The following GPR158 variants were observed in gnomAD, a reference collection of about 807,000 sequenced individuals.
GPR158 encodes G protein-coupled receptor 158.
Under a neutral mutation model 78.2 loss-of-function variants are expected in GPR158, and 30 were observed. The observed-to-expected ratio is 0.38, with a 90% CI of 0.29 to 0.52. The LOEUF (loss-of-function observed/expected upper bound fraction) is 0.52. Ranked by LOEUF, GPR158 falls within the 20% of genes least tolerant of loss-of-function variation. GPR158 has a pLI of 0.83. For synonymous variants in GPR158, 581 were observed against 591.1 expected (o/e 0.98, Z 0.25); for missense variants, 1,463 against 1,523.5 (o/e 0.96, Z 0.66).
chr10:25,371,991 A>T (rs1834000612), intron 2 of GPR158, among the ~76,000 whole-genome samples: 1 of 151,900 alleles, frequency 6.6e-6, no homozygotes, highest in Non-Finnish European at 1.5e-5. Context: ...ATCTGCAATG[A>T]ACTCAAATAA....
chr10:25,285,827 A>G (rs897541487), intron 2 of GPR158, among the ~76,000 whole-genome samples: 1 of 152,202 alleles, frequency 6.6e-6, no homozygotes, highest in African/African-American at 2.4e-5. Context: ...ATGCTGGCAA[A>G]AAATTCTCCT....
At chr10:25,490,826 T>C (rs951604846) in intron 5 of GPR158, among the ~76,000 whole-genome samples, 7 of 151,888 alleles carry the variant, frequency 4.6e-5, no homozygotes, top group East Asian at 1.9e-4. Context: ...GATGGCTGGG[T>C]CAAATGGTAT....
intron 1 of GPR158, among the ~76,000 whole-genome samples, chr10:25,213,524 T>C (rs1853163391): frequency 6.6e-6 from 1 of 152,186 alleles, no homozygotes; most frequent in South Asian, 2.1e-4. Context: ...TTAGCCCATA[T>C]TTCCTTTAAG....
At chr10:25,403,375 A>C (rs1834470360) in intron 3 of GPR158, among the ~76,000 whole-genome samples, 2 of 152,050 alleles carry the variant, frequency 1.3e-5, no homozygotes, top group Non-Finnish European at 2.9e-5. Flanking sequence ...ATGGCCTGTA[A>C]ATGCTACTGT....
intron 5 of GPR158, among the ~76,000 whole-genome samples, chr10:25,513,369 T>G (rs11598032): frequency 2.0e-5 from 3 of 152,060 alleles, no homozygotes; most frequent in Admixed American, 2.0e-4. Flanking sequence ...GTGTTATCAG[T>G]TGTAATATCT....
At chr10:25,370,950 G>T (rs1240294529) in intron 2 of GPR158, among the ~76,000 whole-genome samples, 4 of 149,690 alleles carry the variant, frequency 2.7e-5, no homozygotes, top group African/African-American at 9.9e-5. Context: ...TTTGATCTTT[G>T]CTGGTTTAAA....
intron 5 of GPR158, among the ~76,000 whole-genome samples, chr10:25,523,367 A>G (rs887617466): frequency 3.3e-5 from 5 of 152,228 alleles, no homozygotes; most frequent in African/African-American, 1.2e-4. Context: ...TCTGCTAGGA[A>G]TGCGACATGA....
chr10:25,194,482 T>TGA (rs1282322929), intron 1 of GPR158, among the ~76,000 whole-genome samples: 2 of 151,940 alleles, frequency 1.3e-5, no homozygotes, highest in Admixed American at 1.3e-4. Flanking sequence ...GAGGTTGCAG[T>TGA]GAGCCAAGAT....
chr10:25,179,438 A>G (rs1010958522), intron 1 of GPR158, among the ~76,000 whole-genome samples: 1 of 152,218 alleles, frequency 6.6e-6, no homozygotes, highest in Non-Finnish European at 1.5e-5. Context: ...CTTACTTACA[A>G]GATTCAGACA....
At chr10:25,255,101 A>G (rs1693879101) in intron 2 of GPR158, among the ~76,000 whole-genome samples, 1 of 152,126 alleles carries the variant, frequency 6.6e-6, no homozygotes, top group Non-Finnish European at 1.5e-5. Flanking sequence ...ATTTATATTG[A>G]TTCCCTCTCA....
chr10:25,368,020 T>A (rs528534643), intron 2 of GPR158, among the ~76,000 whole-genome samples: 1 of 151,872 alleles, frequency 6.6e-6, no homozygotes. Flanking sequence ...ATTAATATTT[T>A]TGAGAATAGC....
chr10:25,483,823 A>G (rs964365446), intron 5 of GPR158, among the ~76,000 whole-genome samples: 2 of 152,184 alleles, frequency 1.3e-5, no homozygotes, highest in African/African-American at 4.8e-5. Context: ...GTTTTAAGTT[A>G]TAATCAGATT....
intron 2 of GPR158, among the ~76,000 whole-genome samples, chr10:25,303,633 G>A (rs752990920): frequency 1.9e-4 from 29 of 152,218 alleles, no homozygotes; most frequent in Non-Finnish European, 2.9e-4. Context: ...GTCAAACTCC[G>A]CCTTTATCAA....
rs144110054 is a variant in GPR158, at chr10:25,553,660, G to A, written c.1514+2575G>A. Among the ~76,000 whole-genome samples the A allele has an allele frequency of 2.0e-5, 3 of 152,230 alleles. No individual in the cohort carries two copies. In the East Asian group the frequency reaches 5.8e-4, roughly 29 times the overall value. On this transcript the variant is annotated intron_variant, in intron 6 of 10. Coordinates refer to ENST00000376351, the MANE Select transcript of GPR158 (RefSeq NM_020752.3). ...AGATACTTGTTGAATGAACGAATGG[G>A]TGGACGGTCCTAGTGAATGGAGCTG... is the stretch of plus-strand genomic sequence containing the variant.
intron 2 of GPR158, among the ~76,000 whole-genome samples, chr10:25,329,347 G>A (rs1240603990): frequency 6.6e-6 from 1 of 151,958 alleles, no homozygotes; most frequent in Non-Finnish European, 1.5e-5. Flanking sequence ...GGCTGAGGCA[G>A]GAGAATGGCA....
At chr10:25,567,747 T>C (rs7911256) in intron 6 of GPR158, among the ~76,000 whole-genome samples, 42,780 of 152,014 alleles carry the variant, frequency 0.28, 10,786 homozygotes, top group African/African-American at 0.65. Context: ...TTTACCATAC[T>C]AAATTTTGGT....
chr10:25,177,917 A>G (rs754945785), intron 1 of GPR158, among the ~76,000 whole-genome samples: 1 of 152,128 alleles, frequency 6.6e-6, no homozygotes, highest in Non-Finnish European at 1.5e-5. Context: ...GCAGGATCCT[A>G]TTAGTAAGAG....
At chr10:25,241,129 CTT>C (rs76572452) in intron 2 of GPR158, among the ~76,000 whole-genome samples, 12,512 of 38,984 alleles carry the variant, frequency 0.32, 896 homozygotes, top group East Asian at 0.55. Context: ...CTTTGATTTT[CTT>C]TCTTTCTTTC....
At chr10:25,464,485 A>G (rs1835396578) in intron 4 of GPR158, among the ~76,000 whole-genome samples, 1 of 152,180 alleles carries the variant, frequency 6.6e-6, no homozygotes, top group East Asian at 1.9e-4. Context: ...AAGAATACGT[A>G]TCTACTTATT....
Sources: gnomAD v4.1 joint callset for allele counts (sites outside exome capture counted in the v4.1 genomes callset) on GRCh38, gnomAD v4.1.1 for gene constraint, MANE v1.5 for transcripts, NCBI Gene and HGNC (gene_info 2026-07-23, HGNC 2026-07-21) for gene names.